The following STARD13 variants were observed in gnomAD, a reference collection of about 807,000 sequenced individuals.
The protein encoded by STARD13 is stAR-related lipid transfer protein 13.
STARD13 carries 62 observed loss-of-function variants against 106.4 expected under a neutral mutation model. The observed-to-expected ratio is 0.58, with a 90% CI of 0.48 to 0.72. The LOEUF is 0.72. Ranked by LOEUF, STARD13 falls within the 30% of genes least tolerant of loss-of-function variation. STARD13 has a pLI of 0.00. For synonymous variants in STARD13, 565 were observed against 553.0 expected (o/e 1.02, Z -0.31); for missense variants, 1,387 against 1,424.0 (o/e 0.97, Z 0.42).
At chr13:33,206,607 T>C (rs1057331872) in intron 1 of STARD13, among the ~76,000 whole-genome samples, 2 of 152,188 alleles carry the variant, frequency 1.3e-5, no homozygotes, top group African/African-American at 4.8e-5. Flanking sequence ...ATGAACTTGG[T>C]GAATCAGGAG....
At chr13:33,228,779 C>T (rs557890888) in intron 1 of STARD13, among the ~76,000 whole-genome samples, 39 of 152,130 alleles carry the variant, frequency 2.6e-4, no homozygotes, top group African/African-American at 9.2e-4. Context: ...TCCCCCATCA[C>T]GTAGAGTCTG....
At chr13:33,361,164 G>C in the STARD13 span, among the ~76,000 whole-genome samples, 2 of 149,456 alleles carry the variant, frequency 1.3e-5, no homozygotes, top group South Asian at 4.3e-4. Context: ...CACCTCCTCT[G>C]CTTCTTCCTC....
the STARD13 span, among the ~76,000 whole-genome samples, chr13:33,427,960 A>G: frequency 2.0e-5 from 3 of 151,834 alleles, no homozygotes; most frequent in Non-Finnish European, 4.4e-5. Context: ...CGTCTCAAAA[A>G]AAAAAAAAAA....
chr13:33,163,588 T>TC (rs1882894649), intron 3 of STARD13, among the ~76,000 whole-genome samples: 8 of 30,688 alleles, frequency 2.6e-4, no homozygotes, highest in African/African-American at 1.1e-3. Flanking sequence ...AGACTCTGTC[T>TC]CAAAAAAAAA....
At chr13:33,540,870 A>G in the STARD13 span, among the ~76,000 whole-genome samples, 2 of 152,230 alleles carry the variant, frequency 1.3e-5, no homozygotes, top group African/African-American at 4.8e-5. Flanking sequence ...ATGCAGAGCC[A>G]ATTTAGGTGT....
At chr13:33,583,531 C>T in the STARD13 span, among the ~76,000 whole-genome samples, 1 of 152,162 alleles carries the variant, frequency 6.6e-6, no homozygotes, top group Non-Finnish European at 1.5e-5. Flanking sequence ...TGCCTTTTGA[C>T]TAACAGGGTT....
the STARD13 span, among the ~76,000 whole-genome samples, chr13:33,383,976 CG>C: frequency 6.6e-6 from 1 of 151,918 alleles, no homozygotes; most frequent in Admixed American, 6.6e-5. Context: ...GCACCAGGTT[CG>C]ATTATTAATT....
At chr13:33,145,866 G>A (rs1487779679) in intron 3 of STARD13, among the ~76,000 whole-genome samples, 1 of 152,118 alleles carries the variant, frequency 6.6e-6, no homozygotes, top group Non-Finnish European at 1.5e-5. Context: ...GCTGGCACTG[G>A]GGGACTTTTT....
chr13:33,441,752 C>T, the STARD13 span, among the ~76,000 whole-genome samples: 1 of 152,198 alleles, frequency 6.6e-6, no homozygotes, highest in Non-Finnish European at 1.5e-5. Context: ...ACCACAGTTC[C>T]TTCCCATCCC....
At chr13:33,394,980 G>A in the STARD13 span, among the ~76,000 whole-genome samples, 7 of 152,182 alleles carry the variant, frequency 4.6e-5, no homozygotes, top group East Asian at 1.9e-4. Context: ...AAATTGTAAC[G>A]GGCCTTGTGT....
chr13:33,201,018 T>G (rs1252365701), intron 1 of STARD13, among the ~76,000 whole-genome samples: 2 of 151,050 alleles, frequency 1.3e-5, no homozygotes, highest in Non-Finnish European at 2.9e-5. Flanking sequence ...AGAGTGAGAT[T>G]CTATCTCAAA....
chr13:33,610,767 G>A, the STARD13 span, among the ~76,000 whole-genome samples: 5 of 152,324 alleles, frequency 3.3e-5, no homozygotes, highest in Non-Finnish European at 7.3e-5. Flanking sequence ...CTGAGATCAG[G>A]ACTGAAGCAG....
intron 1 of STARD13, among the ~76,000 whole-genome samples, chr13:33,171,732 C>T (rs543509323): frequency 8.5e-5 from 13 of 152,220 alleles, no homozygotes; most frequent in Admixed American, 2.0e-4. Flanking sequence ...CCACTGGTAG[C>T]CTGGTCTAGC....
the STARD13 span, among the ~76,000 whole-genome samples, chr13:33,430,549 A>G: frequency 2.6e-5 from 4 of 152,350 alleles, no homozygotes; most frequent in South Asian, 2.1e-4. Context: ...GAGCTACCAT[A>G]TGATCCACCA....
At chr13:33,394,404 A>G in the STARD13 span, among the ~76,000 whole-genome samples, 1 of 152,200 alleles carries the variant, frequency 6.6e-6, no homozygotes, top group Non-Finnish European at 1.5e-5. Flanking sequence ...CAAATACTCA[A>G]TGACCCTATG....
chr13:33,433,064 A>T, the STARD13 span, among the ~76,000 whole-genome samples: 16 of 152,340 alleles, frequency 1.1e-4, no homozygotes, highest in East Asian at 3.1e-3. Context: ...GATTAAAAGG[A>T]TGTTTTTCAG....
At chr13:33,143,724 T>C in intron 3 of STARD13, among the ~76,000 whole-genome samples, 1 of 152,178 alleles carries the variant, frequency 6.6e-6, no homozygotes, top group East Asian at 1.9e-4. Context: ...GGCTAATTTT[T>C]GTATTTTTAA....
At chr13:33,507,088 G>T in the STARD13 span, among the ~76,000 whole-genome samples, 17 of 152,128 alleles carry the variant, frequency 1.1e-4, no homozygotes, top group Non-Finnish European at 2.2e-4. Context: ...GCAACAGAAT[G>T]AGACTGTCTC....
At chr13:33,432,666 T>C in the STARD13 span, among the ~76,000 whole-genome samples, 1 of 152,214 alleles carries the variant, frequency 6.6e-6, no homozygotes. Flanking sequence ...GGGGTATGAA[T>C]AGTACTTTCA....
Sources: allele counts gnomAD v4.1 joint callset (sites outside exome capture counted in the v4.1 genomes callset), GRCh38; gene constraint gnomAD v4.1.1; transcripts MANE v1.5; gene names NCBI Gene and HGNC (gene_info 2026-07-23, HGNC 2026-07-21).